UNC13B: variants seen among roughly 807,000 people sequenced by gnomAD.
UNC13B encodes the protein protein unc-13 homolog B.
UNC13B carries 144 observed loss-of-function variants against 211.0 expected under a neutral mutation model. The observed-to-expected ratio is 0.68, with a 90% CI of 0.60 to 0.78. The LOEUF (loss-of-function observed/expected upper bound fraction) is 0.78. Among genes scored for constraint, UNC13B ranks in the 30% least tolerant of loss-of-function variants. The pLI, the probability that UNC13B is intolerant of heterozygous loss-of-function variation, is 0.00. For missense variants in UNC13B, 1,777 were observed against 2,002.0 expected (o/e 0.89, Z 2.14); for synonymous variants, 709 against 725.8 (o/e 0.98, Z 0.37).
chr9:35,326,548 G>C (rs1456762976), intron 11 of UNC13B, among the ~76,000 whole-genome samples: 1 of 152,034 alleles, frequency 6.6e-6, no homozygotes, highest in Non-Finnish European at 1.5e-5. Context: ...ACCACACCTG[G>C]CTAAGTTTCT....
chr9:35,361,416 G>T (rs1833403074), intron 11 of UNC13B: 4 of 152,182 alleles, frequency 2.6e-5, no homozygotes, highest in Admixed American at 6.5e-5. Flanking sequence ...CAGTATAGCA[G>T]TTCCTCAGGG....
At chr9:35,277,422 T>C (rs1303945213) in intron 7 of UNC13B, among the ~76,000 whole-genome samples, 2 of 152,212 alleles carry the variant, frequency 1.3e-5, no homozygotes, top group Admixed American at 1.3e-4. Flanking sequence ...AGCATTAGAA[T>C]GCTCAGGGGT....
At chr9:35,384,926 CA>C in intron 22 of UNC13B, 4 of 720,182 alleles carry the variant, frequency 5.6e-6, no homozygotes, top group Non-Finnish European at 6.8e-6. Context: ...TCAGAACAGG[CA>C]ATATATGCAC....
chr9:35,282,500 C>T (rs769290286), intron 7 of UNC13B, among the ~76,000 whole-genome samples: 3 of 152,114 alleles, frequency 2.0e-5, no homozygotes, highest in Admixed American at 2.0e-4. Context: ...GCTGTGATCT[C>T]GGCTCACTGC....
In UNC13B at chr9:35,303,635, A is replaced by G. The variant is rs367927933; in HGVS notation, c.4231A>G (p.Ile1411Val). The G allele has an allele frequency of 1.0e-5, 4 of 398,814 alleles. No homozygotes were observed. The East Asian group carries it at 1.1e-4, about 11-fold the overall frequency. The allele number at this position is 398,814 out of a possible 1,614,324, so 24.7% of individuals were successfully genotyped here. A position where few individuals can be genotyped will look rare whatever the true frequency, so the allele number is the denominator to read the frequency against. ...NFCQKDQNANILEWRTNPNSV... is the reference protein window; with the variant it reads ...NFCQKDQNANVLEWRTNPNSV... ...TTGCCAAAAAGATCAAAATGCAAACATCTTGGAGTGGAGAACAAATCCAAA... is the reference window on the plus strand; with the variant it reads ...TTGCCAAAAAGATCAAAATGCAAACGTCTTGGAGTGGAGAACAAATCCAAA... The change falls in exon 9 of 40, where the codon ATC (isoleucine) becomes GTC (valine). Residue 1411 changes from isoleucine (I) to valine (V), a missense_variant. By Grantham distance (29) the Ile-to-Val change is conservative (BLOSUM62 3). Coordinates refer to ENST00000635942, the MANE Select transcript of UNC13B (RefSeq NM_001371189.2).
At chr9:35,270,851 G>A (rs1387580906) in intron 7 of UNC13B, among the ~76,000 whole-genome samples, 1 of 151,822 alleles carries the variant, frequency 6.6e-6, no homozygotes, top group East Asian at 1.9e-4. Flanking sequence ...TGTTAAAAAG[G>A]CATTTTCGGC....
intron 1 of UNC13B, among the ~76,000 whole-genome samples, chr9:35,201,202 G>A (rs1202504196): frequency 6.6e-6 from 1 of 152,170 alleles, no homozygotes; most frequent in Non-Finnish European, 1.5e-5. Context: ...GATCATGGTG[G>A]ATAAGCTTTT....
At chr9:35,270,339 ATGTGTGTGTG>A (rs67433459) in intron 7 of UNC13B, among the ~76,000 whole-genome samples, 2 of 150,360 alleles carry the variant, frequency 1.3e-5, no homozygotes, top group African/African-American at 2.4e-5. Flanking sequence ...ATGTATATAT[ATGTGTGTGTG>A]TGTGTGTGTG....
At chr9:35,393,782 G>A (rs1281297794) in intron 26 of UNC13B, among the ~76,000 whole-genome samples, 2 of 151,924 alleles carry the variant, frequency 1.3e-5, no homozygotes, top group African/African-American at 4.8e-5. Context: ...ATGTTGGCCA[G>A]TCTGGTCTTG....
intron 11 of UNC13B, among the ~76,000 whole-genome samples, chr9:35,364,337 A>G (rs1386653994): frequency 6.6e-6 from 1 of 152,098 alleles, no homozygotes. Context: ...GGATGTTCCA[A>G]ACTAAAAATC....
Position 35,399,026 on chromosome 9 carries a change from G to A in UNC13B, c.12066G>A (p.Leu4022=), listed in dbSNP as rs1007998592. The A allele has an allele frequency of 3.1e-6, 5 of 1,613,820 alleles. No individual in the cohort carries two copies. Among genetic ancestry groups the A allele is most frequent in the South Asian group, 2.2e-5 (2 of 91,072 alleles). The change falls in exon 33 of 40, where the codon CTG becomes CTA. Residue 4022 remains leucine (L), a synonymous_variant. Coordinates refer to ENST00000635942, the MANE Select transcript of UNC13B (RefSeq NM_001371189.2). The part of the protein sequence containing the change: ...DSVLRPLMDF[L]DGNLTLFATV... ...TACTCCGGCCTCTCATGGACTTCCT[G>A]GATGGCAAGTGAGTACAGCATTCAG...
chr9:35,313,573 C>T (rs1218625583), intron 10 of UNC13B, among the ~76,000 whole-genome samples: 5 of 150,832 alleles, frequency 3.3e-5, no homozygotes, highest in African/African-American at 7.3e-5. Flanking sequence ...TGCAGTGAGC[C>T]GTGATCATGC....
At chr9:35,224,744 C>T (rs1322191970) in intron 1 of UNC13B, among the ~76,000 whole-genome samples, 1 of 152,008 alleles carries the variant, frequency 6.6e-6, no homozygotes, top group Non-Finnish European at 1.5e-5. Flanking sequence ...AAACTACAGG[C>T]AAATACTCCT....
chr9:35,212,625 G>A (rs192420460), intron 1 of UNC13B, among the ~76,000 whole-genome samples: 72 of 152,094 alleles, frequency 4.7e-4, no homozygotes, highest in African/African-American at 1.7e-3. Context: ...AAGCATGAAA[G>A]GCAGAATATT....
intron 11 of UNC13B, among the ~76,000 whole-genome samples, chr9:35,336,784 T>C (rs80168359): frequency 0.081 from 12,352 of 152,274 alleles, 660 homozygotes; most frequent in East Asian, 0.3. Flanking sequence ...TTTTAACATA[T>C]GAATTTTGGA....
intron 11 of UNC13B, among the ~76,000 whole-genome samples, chr9:35,342,587 A>G (rs1291537857): frequency 6.6e-5 from 10 of 152,204 alleles, no homozygotes; most frequent in African/African-American, 2.4e-4. Context: ...TCCTGTATGT[A>G]TATAGATAAC....
intron 1 of UNC13B, among the ~76,000 whole-genome samples, chr9:35,162,720 G>A (rs1345206573): frequency 1.3e-5 from 2 of 152,086 alleles, no homozygotes; most frequent in Non-Finnish European, 2.9e-5. Flanking sequence ...ATCACACTTT[G>A]AATGCGTTAG....
Position 35,307,728 on chromosome 9 carries a change from G to A in UNC13B, c.8324G>A (p.Arg2775His), listed in dbSNP as rs1268737545. 3.3e-5 allele frequency: 13 copies of A among 398,872 alleles called. No homozygotes were observed. Among genetic ancestry groups the A allele is most frequent in the East Asian group, 2.8e-4 (8 of 28,074 alleles). The allele number at this position is 398,872 out of a possible 1,614,324, so 24.7% of individuals were successfully genotyped here. A position where few individuals can be genotyped will look rare whatever the true frequency, so the allele number is the denominator to read the frequency against. Residue 2775 changes from arginine (R) to histidine (H), a missense_variant, in exon 9 of 40, where the codon CGT (arginine) becomes CAT (histidine). Arg to His is a conservative substitution (Grantham distance 29, BLOSUM62 0). Transcript: ENST00000635942. The part of the protein sequence containing the change: ...IPNVTTWPKL[R>H]LPSSATNHGK... ...AATGTGACCACTTGGCCAAAGCTTCGTTTGCCATCCTCTGCTACTAACCAT... is the reference window on the plus strand; with the variant it reads ...AATGTGACCACTTGGCCAAAGCTTCATTTGCCATCCTCTGCTACTAACCAT...
intron 11 of UNC13B, chr9:35,351,336 T>C (rs1447682586): frequency 1.8e-5 from 22 of 1,223,344 alleles, no homozygotes; most frequent in Non-Finnish European, 2.1e-5. Context: ...ATGTGCGAGG[T>C]TTGGAGGCCA....
Sources: allele counts gnomAD v4.1 joint callset (sites outside exome capture counted in the v4.1 genomes callset), GRCh38; gene constraint gnomAD v4.1.1; transcripts MANE v1.5; gene names NCBI Gene and HGNC (gene_info 2026-07-23, HGNC 2026-07-21).